RORA: variants seen among roughly 807,000 people sequenced by gnomAD.
The protein encoded by RORA is nuclear receptor ROR-alpha.
In RORA, 7 loss-of-function variants were observed where a neutral mutation model predicts 69.5. The observed-to-expected ratio is 0.10, with a 90% CI of 0.06 to 0.19. The LOEUF is 0.19. Ranked by LOEUF, RORA falls within the 10% of genes least tolerant of loss-of-function variation. RORA has a pLI of 1.00. For synonymous variants in RORA, 261 were observed against 240.8 expected (o/e 1.08, Z -0.78); for missense variants, 457 against 663.0 (o/e 0.69, Z 3.41).
intron 1 of RORA, among the ~76,000 whole-genome samples, chr15:60,990,255 G>T (rs1396642153): frequency 3.3e-5 from 5 of 152,108 alleles, no homozygotes; most frequent in African/African-American, 7.3e-5. Context: ...ACAATTAATA[G>T]TATAAAAGTG....
intron 2 of RORA, among the ~76,000 whole-genome samples, chr15:60,639,070 T>G (rs1387835125): frequency 1.3e-5 from 2 of 152,176 alleles, no homozygotes; most frequent in Non-Finnish European, 2.9e-5. Flanking sequence ...TTAGTCACTT[T>G]AAGTATCAGT....
At chr15:60,595,237 G>T (rs1427320967) in intron 2 of RORA, among the ~76,000 whole-genome samples, 1 of 152,090 alleles carries the variant, frequency 6.6e-6, no homozygotes, top group African/African-American at 2.4e-5. Context: ...TAAAAGCCGG[G>T]CATGGTGGCT....
At chr15:60,755,335 T>C (rs2071784320) in intron 1 of RORA, among the ~76,000 whole-genome samples, 1 of 152,042 alleles carries the variant, frequency 6.6e-6, no homozygotes, top group African/African-American at 2.4e-5. Context: ...TACGGCTGCA[T>C]AGTATTCTAT....
chr15:60,803,271 C>T (rs1335807382), intron 1 of RORA, among the ~76,000 whole-genome samples: 3 of 152,206 alleles, frequency 2.0e-5, no homozygotes, highest in African/African-American at 7.2e-5. Context: ...TCCTGAGCTT[C>T]GGCCCCTTCG....
chr15:61,062,885 C>T (rs2078206479), intron 1 of RORA, among the ~76,000 whole-genome samples: 1 of 152,172 alleles, frequency 6.6e-6, no homozygotes, highest in Non-Finnish European at 1.5e-5. Context: ...TAGAATAAGG[C>T]ATCCCACTTC....
At chr15:61,126,131 C>G (rs1046717714) in intron 1 of RORA, among the ~76,000 whole-genome samples, 23 of 152,196 alleles carry the variant, frequency 1.5e-4, no homozygotes, top group African/African-American at 5.3e-4. Flanking sequence ...CTAACATAAG[C>G]AGCCCTCCAG....
chr15:61,070,204 T>C (rs1378831498), intron 1 of RORA, among the ~76,000 whole-genome samples: 1 of 152,140 alleles, frequency 6.6e-6, no homozygotes. Flanking sequence ...AATACAAAAA[T>C]GGCGACCACA....
chr15:60,993,029 C>G (rs556597506), intron 1 of RORA, among the ~76,000 whole-genome samples: 1 of 152,296 alleles, frequency 6.6e-6, no homozygotes, highest in African/African-American at 2.4e-5. Flanking sequence ...TCTGATCAAG[C>G]TCTTCTGCCA....
At chr15:61,133,090 T>C (rs946761299) in intron 1 of RORA, among the ~76,000 whole-genome samples, 1 of 151,820 alleles carries the variant, frequency 6.6e-6, no homozygotes, top group Non-Finnish European at 1.5e-5. Context: ...TACTAGAAAA[T>C]GTATCATACT....
chr15:61,106,294 A>G (rs963378761), intron 1 of RORA, among the ~76,000 whole-genome samples: 6 of 152,240 alleles, frequency 3.9e-5, no homozygotes, highest in African/African-American at 1.4e-4. Context: ...ATAGCCAGAC[A>G]GGAAAGAATT....
At chr15:61,211,334 T>C (rs1177029034) in intron 1 of RORA, among the ~76,000 whole-genome samples, 2 of 150,370 alleles carry the variant, frequency 1.3e-5, no homozygotes, top group Admixed American at 1.3e-4. Context: ...ATTCCAAACC[T>C]TCCTTCCGCT....
Position 61,206,857 on chromosome 15 carries a change from T to A in RORA, c.166+22196A>T, listed in dbSNP as rs187805347. Among the ~76,000 whole-genome samples, 116 of 152,208 alleles carry A rather than the reference T, an allele frequency of 7.6e-4. 2 individuals carry two copies. The highest frequency in any genetic ancestry group is 2.1e-4 in the South Asian group (1 of 4,814). Reference sequence around the variant, plus strand: ...ATCTTTCTCCACAAGAATCCTACCATATGGATTCAACAAAGGCAAAGCTTT... The same window carrying A: ...ATCTTTCTCCACAAGAATCCTACCAAATGGATTCAACAAAGGCAAAGCTTT... On this transcript the variant is annotated intron_variant, in intron 1 of 10. Coordinates refer to ENST00000335670, the MANE Select transcript of RORA (RefSeq NM_134261.3).
chr15:60,877,260 T>A (rs2073627886), intron 1 of RORA, among the ~76,000 whole-genome samples: 1 of 152,194 alleles, frequency 6.6e-6, no homozygotes, highest in African/African-American at 2.4e-5. Context: ...TCTTAAGACC[T>A]AAGGTAGTAT....
chr15:60,997,423 G>T (rs11637981), intron 1 of RORA, among the ~76,000 whole-genome samples: 67,170 of 151,784 alleles, frequency 0.44, 15,810 homozygotes, highest in Middle Eastern at 0.53. Flanking sequence ...TTCCAGTTTT[G>T]CATTAGTTTT....
intron 4 of RORA, among the ~76,000 whole-genome samples, chr15:60,514,337 G>A (rs1020782445): frequency 6.6e-6 from 1 of 152,056 alleles, no homozygotes; most frequent in African/African-American, 2.4e-5. Flanking sequence ...ACCTATAATG[G>A]CTGAAATATC....
intron 1 of RORA, among the ~76,000 whole-genome samples, chr15:60,989,699 A>C (rs1281719191): frequency 6.6e-6 from 1 of 152,166 alleles, no homozygotes; most frequent in African/African-American, 2.4e-5. Flanking sequence ...CTCCAAAACC[A>C]CTTTTTTTAC....
At chr15:60,889,615 C>T (rs1307903234) in intron 1 of RORA, among the ~76,000 whole-genome samples, 3 of 152,148 alleles carry the variant, frequency 2.0e-5, no homozygotes, top group Non-Finnish European at 4.4e-5. Flanking sequence ...ATGAGAGCTG[C>T]GCTGTGCGGG....
At chr15:60,945,641 A>C (rs72752780) in intron 1 of RORA, among the ~76,000 whole-genome samples, 59,353 of 152,158 alleles carry the variant, frequency 0.39, 13,553 homozygotes, top group Non-Finnish European at 0.51. Flanking sequence ...TAGTGTTAGA[A>C]ATAAAGGATT....
chr15:60,673,949 A>G (rs1291564196), intron 2 of RORA, among the ~76,000 whole-genome samples: 1 of 152,240 alleles, frequency 6.6e-6, no homozygotes, highest in Non-Finnish European at 1.5e-5. Flanking sequence ...AAGCTAAGCA[A>G]TGAATCTTCC....
Sources: gnomAD v4.1 joint callset for allele counts (sites outside exome capture counted in the v4.1 genomes callset) on GRCh38, gnomAD v4.1.1 for gene constraint, MANE v1.5 for transcripts, NCBI Gene and HGNC (gene_info 2026-07-23, HGNC 2026-07-21) for gene names.